Variants in NUP188 observed in about 807,000 individuals in gnomAD.
NUP188 encodes nucleoporin 188, also known as nucleoporin NUP188.
Under a neutral mutation model 223.0 loss-of-function variants are expected in NUP188, and 97 were observed. That is an observed-to-expected ratio of 0.43 (90% CI 0.37 to 0.51). NUP188 has a LOEUF of 0.51. NUP188 is among the 20% of genes least tolerant of loss of function. NUP188 has a pLI of 0.00. For synonymous variants in NUP188, 869 were observed against 828.0 expected (o/e 1.05, Z -0.85); for missense variants, 1,947 against 2,175.6 (o/e 0.89, Z 2.09).
At position 129,005,473 on chromosome 9, in the gene NUP188, G is replaced by A; in HGVS notation, c.4680G>A (p.Lys1560=). Residue 1560 remains lysine, a synonymous_variant, in exon 40 of 44, where the codon AAG becomes AAA. Transcript: ENST00000372577. ...VQYGLLKILS[K]TLAALRHFTP... ...ATGGCCTTCTCAAGATCCTCAGCAA[G>A]ACGCTGGCAGCCCTGCGCCACTTCA... 6.2e-7 allele frequency: 1 copy of A among 1,606,170 alleles called. No individual in the cohort carries two copies. Among genetic ancestry groups the A allele is most frequent in the Non-Finnish European group, 8.5e-7 (1 of 1,179,994 alleles).
chr9:128,993,194 C>T lies in NUP188; in HGVS notation c.2641-3C>T, dbSNP rs1420915542. 6.2e-7 allele frequency: 1 copy of T among 1,613,160 alleles called. No individual in the cohort carries two copies. The highest frequency in any genetic ancestry group is 1.3e-5 in the African/African-American group (1 of 74,878). On this transcript the variant is annotated splice_region_variant and splice_polypyrimidine_tract_variant and intron_variant, in intron 25 of 43. Coordinates refer to ENST00000372577, the MANE Select transcript of NUP188 (RefSeq NM_015354.3). ...TAAGCCTGTGTGTTCCGGTCTCCACCAGGTGGCCCCAATGTCAGTGTATGC... is the reference window on the plus strand; with the variant it reads ...TAAGCCTGTGTGTTCCGGTCTCCACTAGGTGGCCCCAATGTCAGTGTATGC...
intron 3 of NUP188, among the ~76,000 whole-genome samples, chr9:128,955,508 A>G (rs1042030036): frequency 1.3e-5 from 2 of 152,156 alleles, no homozygotes; most frequent in Non-Finnish European, 2.9e-5. Flanking sequence ...AGTTTATATC[A>G]GTATAGACTC....
Position 128,993,533 on chromosome 9 carries a change from C to T in NUP188, c.2856C>T (p.Ser952=), listed in dbSNP as rs1170422437. ...CCTGTCCCTTCTTGCAGGAATTCAGCCTTGGGATGTGGAGCTGTCTCCATG... is the reference window on the plus strand; with the variant it reads ...CCTGTCCCTTCTTGCAGGAATTCAGTCTTGGGATGTGGAGCTGTCTCCATG... ...KDGSDGSKEF[S]LGMWSCLHAV... is the part of the protein sequence containing the mutation. The change falls in exon 27 of 44, where the codon AGC becomes AGT. Residue 952 remains serine, a synonymous_variant. Transcript: ENST00000372577. The T allele has an allele frequency of 4.3e-6, 7 of 1,614,020 alleles. No homozygotes were observed.
At position 128,993,555 on chromosome 9, in the gene NUP188, C is replaced by A. The variant is rs1842466579; in HGVS notation, c.2878C>A (p.His960Asn). The A allele has an allele frequency of 6.2e-7, 1 of 1,614,184 alleles. No homozygotes were observed. Among genetic ancestry groups the A allele is most frequent in the African/African-American group, 1.3e-5 (1 of 75,048 alleles). Residue 960 changes from histidine to asparagine, a missense_variant, in exon 27 of 44, where the codon CAT (histidine) becomes AAT (asparagine). His to Asn is a moderately conservative substitution (Grantham distance 68, BLOSUM62 1). Around this residue, in one of 3 missense-constraint regions of NUP188, gnomAD observed 905 missense variants for 990.6 expected, o/e 0.91. Coordinates refer to ENST00000372577, the MANE Select transcript of NUP188 (RefSeq NM_015354.3). ...EFSLGMWSCL[H>N]AVLELIDSQQ... The stretch of plus-strand genomic sequence containing the variant: ...CAGCCTTGGGATGTGGAGCTGTCTC[C>A]ATGCAGTGCTGGAGCTGATTGATTC...
At chr9:128,987,766 A>G (rs777752349) in intron 23 of NUP188, 49 bp downstream of exon 23, 3 of 1,591,548 alleles carry the variant, frequency 1.9e-6, no homozygotes, top group Non-Finnish European at 2.6e-6. Flanking sequence ...TTGTGCCTGC[A>G]TGTTACTAAT....
intron 24 of NUP188, among the ~76,000 whole-genome samples, chr9:128,988,576 T>G (rs547256285): frequency 3.3e-5 from 5 of 152,262 alleles, no homozygotes; most frequent in Non-Finnish European, 7.4e-5. Context: ...AGAAGTGTTT[T>G]GGGTTTCAGA....
At chr9:128,955,596 G>A (rs1221147261) in intron 3 of NUP188, among the ~76,000 whole-genome samples, 1 of 151,880 alleles carries the variant, frequency 6.6e-6, no homozygotes, top group African/African-American at 2.4e-5. Context: ...CTTTTAGGTT[G>A]GCCTCTGTCC....
intron 6 of NUP188, 37 bp from the exon 7 acceptor site, chr9:128,958,765 A>G (rs768368063): frequency 8.1e-7 from 1 of 1,230,890 alleles, no homozygotes; most frequent in East Asian, 2.4e-5. Context: ...CCTATGTGCA[A>G]AGGTGAGTAA....
At chr9:128,968,772 A>G (rs1356788866) in intron 9 of NUP188, 55 bp downstream of exon 9, 2 of 1,362,650 alleles carry the variant, frequency 1.5e-6, no homozygotes, top group South Asian at 1.2e-5. Context: ...CATTGATACT[A>G]TAGTGGTATG....
intron 12 of NUP188, among the ~76,000 whole-genome samples, chr9:128,975,558 C>T (rs984072855): frequency 3.3e-5 from 5 of 151,240 alleles, no homozygotes; most frequent in South Asian, 4.2e-4. Context: ...CTCGCTCTGT[C>T]GCCCAGGCTG....
intron 20 of NUP188, among the ~76,000 whole-genome samples, chr9:128,986,310 T>C (rs949150357): frequency 6.6e-6 from 1 of 152,194 alleles, no homozygotes; most frequent in Non-Finnish European, 1.5e-5. Context: ...AGATTTAGCC[T>C]GCATCCCTTT....
Position 129,005,774 on chromosome 9 carries a change from G to A in NUP188, c.4867G>A (p.Glu1623Lys). The change falls in exon 41 of 44, where the codon GAG becomes AAG. Residue 1623 changes from glutamate (E) to lysine (K), a missense_variant and splice_region_variant. Physicochemically the swap from Glu to Lys is moderately conservative, Grantham distance 56. Transcript: ENST00000372577. Reference protein sequence around the residue: ...TVNVALNMLGELDKKKEPLTQ... With the variant: ...TVNVALNMLGKLDKKKEPLTQ... ...GAATGTGGCCCTCAACATGCTTGGA[G>A]AGGTAAGTTGGTTCTGTCAGACACT... 6.2e-7 allele frequency: 1 copy of A among 1,608,458 alleles called. No individual in the cohort carries two copies. Among genetic ancestry groups the A allele is most frequent in the East Asian group, 2.2e-5 (1 of 44,836 alleles).
chr9:129,002,613 C>G (rs2131195212), intron 36 of NUP188, among the ~76,000 whole-genome samples: 1 of 152,360 alleles, frequency 6.6e-6, no homozygotes, highest in Non-Finnish European at 1.5e-5. Flanking sequence ...AGTCTGGAAC[C>G]CTGGGTCTTG....
At chr9:128,956,303 CAG>C (rs768246703) in intron 3 of NUP188, 45 bp from the exon 4 acceptor site, 83 of 1,118,608 alleles carry the variant, frequency 7.4e-5, no homozygotes, top group Non-Finnish European at 9.0e-5. Context: ...ATTTTAAACT[CAG>C]TGGGCTATTG....
At chr9:128,987,839 A>G in intron 23 of NUP188, 122 bp downstream of exon 23, 2 of 1,340,278 alleles carry the variant, frequency 1.5e-6, no homozygotes, top group Non-Finnish European at 2.1e-6. Flanking sequence ...CCTAGGACAT[A>G]GCCTTTACAT....
At chr9:128,957,118 C>G in intron 5 of NUP188, 86 bp downstream of exon 5, 6 of 896,012 alleles carry the variant, frequency 6.7e-6, no homozygotes, top group Non-Finnish European at 1.1e-5. Context: ...GGCACCAATT[C>G]TTTTATCGGT....
At chr9:128,961,779 G>C (rs1402317860) in intron 8 of NUP188, among the ~76,000 whole-genome samples, 1 of 148,960 alleles carries the variant, frequency 6.7e-6, no homozygotes, top group South Asian at 2.1e-4. Flanking sequence ...GTGCTACCAC[G>C]CCCGGCTAAT....
chr9:128,984,124 A>ATCTTTTTTTTTTTTTTTTTTTTTTTT (rs1842296284), intron 19 of NUP188, among the ~76,000 whole-genome samples: 1 of 93,070 alleles, frequency 1.1e-5, no homozygotes, highest in African/African-American at 5.9e-5. Context: ...GCCTGGCCTG[A>ATCTTTTTTTTTTTTTTTTTTTTTTTT]TTTTTTTTTT....
At chr9:128,949,435 C>T (rs1201386719) in intron 2 of NUP188, among the ~76,000 whole-genome samples, 192 bp downstream of exon 2, 1 of 151,874 alleles carries the variant, frequency 6.6e-6, no homozygotes, top group African/African-American at 2.4e-5. Context: ...CAGGTTCAAG[C>T]GATTCTCCTG....
Sources: gnomAD v4.1 joint callset for allele counts (sites outside exome capture counted in the v4.1 genomes callset) on GRCh38, gnomAD v4.1.1 for gene constraint, gnomAD v4.1.1 regional missense constraint, MANE v1.5 for transcripts, NCBI Gene and HGNC (gene_info 2026-07-23, HGNC 2026-07-21) for gene names.